The following CHLSN variants were observed in gnomAD, a reference collection of about 807,000 sequenced individuals.
CHLSN encodes the protein cholesin, also known as protein cholesin.
the CHLSN span, chr7:1,091,896 G>C: frequency 6.2e-7 from 1 of 1,614,076 alleles, no homozygotes. Flanking sequence ...AGCAGTACGT[G>C]ATCGGCCTGT....
chr7:1,053,005 T>C, the CHLSN span, among the ~76,000 whole-genome samples: 159 of 152,334 alleles, frequency 1.0e-3, no homozygotes, highest in African/African-American at 3.7e-3. Flanking sequence ...CCCGTTCCTC[T>C]TTCCCTTGAA....
chr7:1,027,863 C>T, the CHLSN span, among the ~76,000 whole-genome samples: 1 of 152,242 alleles, frequency 6.6e-6, no homozygotes, highest in African/African-American at 2.4e-5. Flanking sequence ...TCGTGTCTCC[C>T]CCGGGGGCTG....
chr7:985,110 G>A, the CHLSN span: 2 of 1,610,364 alleles, frequency 1.2e-6, no homozygotes, highest in Non-Finnish European at 1.7e-6. Context: ...GTGAGCAGGG[G>A]GCCGGGGACG....
chr7:1,047,312 C>T, the CHLSN span, among the ~76,000 whole-genome samples: 6 of 152,226 alleles, frequency 3.9e-5, no homozygotes, highest in Non-Finnish European at 8.8e-5. Flanking sequence ...GAGGCATTCT[C>T]TTTGTTTATA....
the CHLSN span, among the ~76,000 whole-genome samples, chr7:1,057,145 C>T: frequency 3.9e-5 from 6 of 152,220 alleles, no homozygotes; most frequent in Admixed American, 6.5e-5. Context: ...TAGTAAACTT[C>T]GGGAATCACT....
the CHLSN span, among the ~76,000 whole-genome samples, chr7:1,070,668 T>TACACAC: frequency 2.4e-5 from 3 of 124,906 alleles, no homozygotes; most frequent in Non-Finnish European, 5.0e-5. Flanking sequence ...TGCACGCACA[T>TACACAC]ACGCACACGT....
chr7:1,104,965 G>C, the CHLSN span, among the ~76,000 whole-genome samples: 431 of 152,364 alleles, frequency 2.8e-3, 2 homozygotes, highest in Admixed American at 5.4e-3. Flanking sequence ...ACTGAGAACA[G>C]TAAGTTCAGA....
the CHLSN span, among the ~76,000 whole-genome samples, chr7:1,131,751 T>C: frequency 3.9e-5 from 6 of 152,266 alleles, no homozygotes; most frequent in Non-Finnish European, 2.9e-5. Flanking sequence ...GTAAAATCTA[T>C]ATTCATTCTG....
At chr7:984,907 G>C in the CHLSN span, 1 of 1,538,278 alleles carries the variant, frequency 6.5e-7, no homozygotes, top group South Asian at 1.2e-5. Flanking sequence ...GGGGCTGGCT[G>C]GGGTGGGAAC....
the CHLSN span, among the ~76,000 whole-genome samples, chr7:1,040,219 G>A: frequency 1.3e-5 from 2 of 149,532 alleles, no homozygotes; most frequent in African/African-American, 2.5e-5. Context: ...GGCTGGGCAT[G>A]CTGGCACATA....
the CHLSN span, among the ~76,000 whole-genome samples, chr7:1,050,092 G>A: frequency 1.1e-4 from 17 of 152,248 alleles, no homozygotes; most frequent in African/African-American, 3.6e-4. Flanking sequence ...CAAGCACAGG[G>A]TCTTCTGCAG....
the CHLSN span, among the ~76,000 whole-genome samples, chr7:1,131,007 G>C: frequency 6.6e-6 from 1 of 152,060 alleles, no homozygotes; most frequent in African/African-American, 2.4e-5. Flanking sequence ...GGGCAACATA[G>C]CGAGGCTCCA....
At chr7:1,021,553 G>C in the CHLSN span, 1 of 985,328 alleles carries the variant, frequency 1.0e-6, no homozygotes, top group African/African-American at 1.7e-5. Context: ...CACAGGAGTA[G>C]GGCTTCAGCA....
the CHLSN span, chr7:1,000,508 G>A: frequency 3.7e-6 from 6 of 1,609,324 alleles, no homozygotes; most frequent in Admixed American, 6.7e-5. Flanking sequence ...AGCCACGTCT[G>A]CCTCGTCTTC....
the CHLSN span, among the ~76,000 whole-genome samples, chr7:1,009,714 A>G: frequency 6.6e-6 from 1 of 152,202 alleles, no homozygotes; most frequent in Non-Finnish European, 1.5e-5. Flanking sequence ...CTAAAAGCAC[A>G]GTTCCAGGCA....
At chr7:1,103,154 C>T in the CHLSN span, among the ~76,000 whole-genome samples, 4 of 152,304 alleles carry the variant, frequency 2.6e-5, no homozygotes, top group East Asian at 1.9e-4. Flanking sequence ...CACACATAAA[C>T]GGTGTGGAAC....
chr7:1,099,268 G>A, the CHLSN span, among the ~76,000 whole-genome samples: 13 of 152,082 alleles, frequency 8.5e-5, no homozygotes, highest in African/African-American at 3.1e-4. Context: ...CTCCCCTTCC[G>A]GAGCCTCGCT....
At chr7:1,107,141 G>A in the CHLSN span, among the ~76,000 whole-genome samples, 2 of 152,282 alleles carry the variant, frequency 1.3e-5, no homozygotes, top group South Asian at 2.1e-4. Flanking sequence ...AAGGGAAAGA[G>A]CCACAGAGGA....
chr7:1,088,932 C>T, the CHLSN span, among the ~76,000 whole-genome samples: 2 of 151,978 alleles, frequency 1.3e-5, no homozygotes, highest in African/African-American at 2.4e-5. The surrounding 1 kb of genome is among the most constrained non-coding windows in gnomAD (Gnocchi z 4.5). Context: ...CGGTGTCTGG[C>T]AACGATCAAA....
Sources: gnomAD v4.1 joint callset for allele counts (sites outside exome capture counted in the v4.1 genomes callset) on GRCh38, gnomAD v4.1.1 for gene constraint, Gnocchi (gnomAD v3.1) non-coding constraint, MANE v1.5 for transcripts, NCBI Gene and HGNC (gene_info 2026-07-23, HGNC 2026-07-21) for gene names.